FBXL18: variants seen among roughly 807,000 people sequenced by gnomAD.
FBXL18 encodes F-box/LRR-repeat protein 18.
FBXL18 carries 36 observed loss-of-function variants against 46.0 expected under a neutral mutation model. That is an observed-to-expected ratio of 0.78 (90% CI 0.60 to 1.03). The LOEUF (loss-of-function observed/expected upper bound fraction) is 1.03. FBXL18 is among the 50% of genes least tolerant of loss of function. The pLI is 0.00. For synonymous variants in FBXL18, 557 were observed against 465.3 expected, an observed-to-expected ratio of 1.20 and a Z score of -2.54; for missense variants, 977 against 1,004.1, an observed-to-expected ratio of 0.97 and a Z score of 0.36.
At chr7:5,469,892 G>A (rs761844253) in intron 4 of FBXL18, among the ~76,000 whole-genome samples, 57 of 151,388 alleles carry the variant, frequency 3.8e-4, no homozygotes, top group Non-Finnish European at 6.8e-4. Flanking sequence ...GTGTGTGTGC[G>A]AGGGCATGTG....
chr7:5,490,508 G>A (rs1338043148), intron 4 of FBXL18, among the ~76,000 whole-genome samples: 1 of 152,232 alleles, frequency 6.6e-6, no homozygotes, highest in Non-Finnish European at 1.5e-5. Flanking sequence ...GGGAAGAGGG[G>A]CCAGACTATG....
intron 3 of FBXL18, among the ~76,000 whole-genome samples, chr7:5,494,991 G>A (rs1784038535): frequency 6.6e-6 from 1 of 152,234 alleles, no homozygotes; most frequent in South Asian, 2.1e-4. Context: ...CAGGCAGCGG[G>A]CCTGGCACGT....
intron 4 of FBXL18, among the ~76,000 whole-genome samples, chr7:5,466,430 A>C (rs369317640): frequency 8.5e-5 from 13 of 152,136 alleles, no homozygotes; most frequent in African/African-American, 2.4e-4. Context: ...CCTTGGCTGG[A>C]GGGAGGACCT....
Position 5,484,277 on chromosome 7 carries a change from C to T in FBXL18, c.2001-2346G>A, listed in dbSNP as rs568441010. On this transcript the variant is annotated intron_variant, in intron 4 of 4. Coordinates refer to ENST00000382368, the MANE Select transcript of FBXL18 (RefSeq NM_024963.6). ...GGTCAGGAGATCAAGACCATCCTGGCTAACACGGTGAAACCCCGTCTCTAC... is the reference window on the plus strand; with the variant it reads ...GGTCAGGAGATCAAGACCATCCTGGTTAACACGGTGAAACCCCGTCTCTAC... Among the ~76,000 whole-genome samples the T allele has an allele frequency of 6.6e-5, 10 of 152,112 alleles. No individual in the cohort carries two copies. In the East Asian group the frequency reaches 1.4e-3, roughly 21 times the overall value.
intron 3 of FBXL18, among the ~76,000 whole-genome samples, chr7:5,498,230 G>A (rs545639430): frequency 3.3e-5 from 5 of 152,076 alleles, no homozygotes; most frequent in Admixed American, 2.6e-4. Flanking sequence ...TGGGACTACA[G>A]GCGCCCACCA....
rs1262697771 is a variant in FBXL18, at chr7:5,478,836, G to A, written c.*2939C>T. ...GGCACATGTGCACACACAGGGCACA[G>A]GTACCCGCAGGCACACGTGCACGCA... On this transcript the variant is annotated 3_prime_UTR_variant, in exon 5 of 5. Transcript: ENST00000382368. 1 of 151,744 alleles carries A rather than the reference G, an allele frequency of 6.6e-6. No individual in the cohort carries two copies. Among genetic ancestry groups the A allele is most frequent in the South Asian group, 2.1e-4 (1 of 4,814 alleles). 9.4% of individuals were successfully genotyped at this position (151,744 alleles called of 1,614,324 possible).
rs1200753401 is a variant in FBXL18 at position 5,513,651 on chromosome 7, C to A, written c.18+6G>T. The A allele has an allele frequency of 6.2e-7, 1 of 1,611,608 alleles. No individual in the cohort carries two copies. Among genetic ancestry groups the A allele is most frequent in the African/African-American group, 1.3e-5 (1 of 74,890 alleles). ...GAAGCAGAGCGGAGACAGTCGCGGA[C>A]AGTACCTCTCCGGAGCTGGCCATGT... On this transcript the variant is annotated splice_donor_region_variant and intron_variant, in intron 1 of 4. Transcript: ENST00000382368.
Position 5,505,443 on chromosome 7 carries a change from A to G in FBXL18, c.206T>C (p.Ile69Thr). The G allele has an allele frequency of 2.5e-6, 4 of 1,614,068 alleles. No homozygotes were observed. Among genetic ancestry groups the G allele is most frequent in the Non-Finnish European group, 3.4e-6 (4 of 1,180,004 alleles). Residue 69 changes from isoleucine (I) to threonine (T), a missense_variant, in exon 2 of 5, where the codon ATC (isoleucine) becomes ACC (threonine). Physicochemically the swap from Ile to Thr is moderately conservative, Grantham distance 89. Coordinates refer to ENST00000382368, the MANE Select transcript of FBXL18 (RefSeq NM_024963.6). The stretch of plus-strand genomic sequence containing the variant: ...GTCCTTTTGCAGCAACACGGTGTGG[A>G]TGAGGCTCTTGTCAAGGCACAGGGC... ...LAALCLDKSLIHTVLLQKDYQ... is the reference protein window; with the variant it reads ...LAALCLDKSLTHTVLLQKDYQ...
Position 5,501,454 on chromosome 7 carries a change from C to T in FBXL18, c.815G>A (p.Ser272Asn), listed in dbSNP as rs1191297159. ...LHAFLISVPG[S>N]FAESGATKNL... is the part of the protein sequence containing the mutation. ...CTTGGTGGCGCCGCTCTCCGCGAAG[C>T]TGCCAGGGACGGAGATGAGGAAGGC... is the stretch of plus-strand genomic sequence containing the variant. Residue 272 changes from serine to asparagine, a missense_variant, in exon 3 of 5, where the codon AGC becomes AAC. Coordinates refer to ENST00000382368, the MANE Select transcript of FBXL18 (RefSeq NM_024963.6). The T allele has an allele frequency of 6.2e-7, 1 of 1,613,118 alleles. No individual in the cohort carries two copies. The highest frequency in any genetic ancestry group is 8.5e-7 in the Non-Finnish European group (1 of 1,179,820).
chr7:5,464,160 A>G (rs1334217838), intron 4 of FBXL18, among the ~76,000 whole-genome samples: 1 of 152,094 alleles, frequency 6.6e-6, no homozygotes, highest in Non-Finnish European at 1.5e-5. Context: ...CCTGGCCAAC[A>G]TGGTGAAACC....
chr7:5,463,740 T>TTA (rs1562672339), intron 4 of FBXL18, among the ~76,000 whole-genome samples: 2 of 29,250 alleles, frequency 6.8e-5, no homozygotes, highest in East Asian at 1.3e-3. Flanking sequence ...TTTTTTTTTT[T>TTA]TTTTTTTTTT....
intron 4 of FBXL18, among the ~76,000 whole-genome samples, chr7:5,482,418 G>A (rs1028600592): frequency 2.6e-5 from 4 of 152,140 alleles, no homozygotes; most frequent in Admixed American, 6.5e-5. Context: ...AGCAGCAGTC[G>A]CTGGGAGGAG....
chr7:5,491,349 G>C lies in FBXL18; in HGVS notation c.1882C>G (p.Leu628Val), dbSNP rs773365207. The change falls in exon 4 of 5, where the codon CTC becomes GTC. Residue 628 changes from leucine to valine, a missense_variant. By Grantham distance (32) the Leu-to-Val change is conservative. Coordinates refer to ENST00000382368, the MANE Select transcript of FBXL18 (RefSeq NM_024963.6). ...AAGGCCAGCACGGCATCGGGCTGGAGGGTGCCGCTGCGAGAGACCAGGCAC... is the reference window on the plus strand; with the variant it reads ...AAGGCCAGCACGGCATCGGGCTGGACGGTGCCGCTGCGAGAGACCAGGCAC... Reference protein sequence around the residue: ...RLCLVSRSGTLQPDAVLAFMA... With the variant: ...RLCLVSRSGTVQPDAVLAFMA... 5.6e-6 allele frequency: 9 copies of C among 1,610,922 alleles called. No individual in the cohort carries two copies. The highest frequency in any genetic ancestry group is 1.7e-5 in the Admixed American group (1 of 59,612).
chr7:5,468,485 A>C (rs1468911329), intron 4 of FBXL18, among the ~76,000 whole-genome samples: 3 of 152,216 alleles, frequency 2.0e-5, no homozygotes, highest in Non-Finnish European at 2.9e-5. Flanking sequence ...TAACGGATGC[A>C]CTGCCAGGCG....
At chr7:5,482,140 G>A (rs530356812) in intron 4 of FBXL18, among the ~76,000 whole-genome samples, 6 of 152,312 alleles carry the variant, frequency 3.9e-5, no homozygotes, top group South Asian at 2.1e-4. Context: ...CACGGCAGCC[G>A]GGAACAGGCC....
In FBXL18 at chr7:5,455,780, A is replaced by G. The variant is rs1783164510; in HGVS notation, c.2001-7937T>C. ...CACACACAAACACACACACACACAC[A>G]CACACACCACTTCCATGGCGCCAGG... On this transcript the variant is annotated intron_variant and NMD_transcript_variant, in intron 4 of 6. Transcript: ENST00000415009. This position sits in a 1 kb window ranked among gnomAD's most constrained non-coding sequence, Gnocchi z 4.6. Among the ~76,000 whole-genome samples, 1 of 147,842 alleles carries G rather than the reference A, an allele frequency of 6.8e-6. No homozygotes were observed. Among genetic ancestry groups the G allele is most frequent in the Non-Finnish European group, 1.5e-5 (1 of 67,336 alleles).
At chr7:5,510,063 A>T (rs1784490638) in intron 1 of FBXL18, among the ~76,000 whole-genome samples, 1 of 152,076 alleles carries the variant, frequency 6.6e-6, no homozygotes, top group South Asian at 2.1e-4. Flanking sequence ...GCACTTTGGG[A>T]GGCTGAGGCA....
Position 5,455,651 on chromosome 7 carries a change from A to G in FBXL18, c.2001-7808T>C, listed in dbSNP as rs902343537. ...GATCCTCCGGGATTGCTGACCATCC[A>G]CTTCCCCGCAGGGGGGCTCAAACCC... is the stretch of plus-strand genomic sequence containing the variant. On this transcript the variant is annotated intron_variant and NMD_transcript_variant, in intron 4 of 6. Transcript: ENST00000415009. The surrounding 1 kb of genome is among the most constrained non-coding windows in gnomAD (Gnocchi z 4.6). 1.3e-5 allele frequency among the ~76,000 whole-genome samples: 2 copies of G among 151,970 alleles called. No individual in the cohort carries two copies. The highest frequency in any genetic ancestry group is 2.4e-5 in the African/African-American group (1 of 41,372).
chr7:5,494,567 C>A (rs10227201), intron 3 of FBXL18, among the ~76,000 whole-genome samples: 140,482 of 152,314 alleles, frequency 0.92, 64,848 homozygotes, highest in Middle Eastern at 0.96. Context: ...GTTTTCATTA[C>A]GTATATTTTA....
Sources: gnomAD v4.1 joint callset for allele counts (sites outside exome capture counted in the v4.1 genomes callset) on GRCh38, gnomAD v4.1.1 for gene constraint, Gnocchi (gnomAD v3.1) non-coding constraint, MANE v1.5 for transcripts, NCBI Gene and HGNC (gene_info 2026-07-23, HGNC 2026-07-21) for gene names.